Variants in GALNT18 observed in about 807,000 individuals in gnomAD.
GALNT18 encodes the protein GalNAc-transferase 18.
GALNT18 carries 44 observed loss-of-function variants against 69.5 expected under a neutral mutation model. That is an observed-to-expected ratio of 0.63 (90% CI 0.50 to 0.81). The LOEUF (loss-of-function observed/expected upper bound fraction) is 0.81. Among genes scored for constraint, GALNT18 ranks in the 40% least tolerant of loss-of-function variants. GALNT18 has a pLI of 0.00. For synonymous variants in GALNT18, 364 were observed against 318.2 expected (o/e 1.14, Z -1.53); for missense variants, 715 against 810.0 (o/e 0.88, Z 1.42).
At chr11:11,512,270 T>C (rs1857180608) in intron 1 of GALNT18, among the ~76,000 whole-genome samples, 1 of 152,164 alleles carries the variant, frequency 6.6e-6, no homozygotes, top group Admixed American at 6.5e-5. Context: ...ACACACAGTG[T>C]GGAGAGCAGT....
In GALNT18 at chr11:11,413,376, ACT is replaced by A. The variant is rs370115553; in HGVS notation, c.595+19243_595+19244del. 1.2e-3 allele frequency among the ~76,000 whole-genome samples: 176 copies of A among 151,990 alleles called. No homozygotes were observed. The highest frequency in any genetic ancestry group is 4.0e-3 in the African/African-American group (166 of 41,432). ...AGATGCCCCATTAGGACTCAGAGGC[ACT>A]CTCTACTTTCTCTGGAGGCCATTTG... On this transcript the variant is annotated intron_variant, in intron 3 of 10. Coordinates refer to ENST00000227756, the MANE Select transcript of GALNT18 (RefSeq NM_198516.3). The surrounding 1 kb of genome is among the most constrained non-coding windows in gnomAD (Gnocchi z 4.7).
rs1039119399 is a variant in GALNT18, at chr11:11,562,262, G to C, written c.235+59097C>G. 3.3e-5 allele frequency among the ~76,000 whole-genome samples: 5 copies of C among 152,136 alleles called. No homozygotes were observed. The highest frequency in any genetic ancestry group is 7.3e-5 in the Non-Finnish European group (5 of 68,028). ...TTCCAGGCTCTCTCTTTGGCTTCTG[G>C]CTGGCTGTCTTCTTGTGTCTCTTCA... is the stretch of plus-strand genomic sequence containing the variant. On this transcript the variant is annotated intron_variant, in intron 1 of 10. Transcript: ENST00000227756. The surrounding 1 kb of genome is among the most constrained non-coding windows in gnomAD (Gnocchi z 4.1).
At chr11:11,308,954 C>G (rs1849625683) in intron 9 of GALNT18, among the ~76,000 whole-genome samples, 1 of 152,114 alleles carries the variant, frequency 6.6e-6, no homozygotes, top group Non-Finnish European at 1.5e-5. Flanking sequence ...AAGTCTAATA[C>G]TCCATTGCCC....
chr11:11,288,523 C>CCATGAGCTCCTTGAGGG (rs1325960809), intron 10 of GALNT18, among the ~76,000 whole-genome samples: 2 of 152,138 alleles, frequency 1.3e-5, no homozygotes, highest in Non-Finnish European at 2.9e-5. Context: ...GTTTACATGC[C>CCATGAGCTCCTTGAGGG]CATGAGCTCC....
intron 1 of GALNT18, among the ~76,000 whole-genome samples, chr11:11,529,634 T>TAC (rs1857595940): frequency 3.1e-5 from 3 of 95,852 alleles, no homozygotes; most frequent in African/African-American, 1.0e-4. Context: ...CTTATATATA[T>TAC]ATATACACAC....
intron 2 of GALNT18, among the ~76,000 whole-genome samples, chr11:11,448,542 C>T (rs1363698445): frequency 6.6e-6 from 1 of 152,214 alleles, no homozygotes; most frequent in Non-Finnish European, 1.5e-5. Flanking sequence ...GAAAGCTTTG[C>T]CCCTACTCAG....
intron 1 of GALNT18, among the ~76,000 whole-genome samples, chr11:11,452,324 T>C (rs1303567866): frequency 1.3e-5 from 2 of 152,158 alleles, no homozygotes; most frequent in African/African-American, 2.4e-5. Context: ...GAAAATGGGG[T>C]TGATAACAAT....
At chr11:11,350,503 A>C (rs1850380961) in intron 6 of GALNT18, among the ~76,000 whole-genome samples, 1 of 152,216 alleles carries the variant, frequency 6.6e-6, no homozygotes, top group Admixed American at 6.5e-5. Flanking sequence ...AGTTGGAAAA[A>C]GGAAGACGTC....
At chr11:11,544,825 G>A (rs1858010339) in intron 1 of GALNT18, among the ~76,000 whole-genome samples, 1 of 152,186 alleles carries the variant, frequency 6.6e-6, no homozygotes, top group South Asian at 2.1e-4. Flanking sequence ...CTGGTCTGGT[G>A]CTATGGAAGA....
intron 1 of GALNT18, among the ~76,000 whole-genome samples, chr11:11,593,071 G>T (rs4526767): frequency 2.0e-5 from 3 of 151,892 alleles, no homozygotes; most frequent in Middle Eastern, 3.4e-3. Flanking sequence ...ACCCCCCAAC[G>T]CTCGGCTAAT....
intron 10 of GALNT18, among the ~76,000 whole-genome samples, chr11:11,290,295 T>A (rs1849274068): frequency 6.6e-6 from 1 of 152,324 alleles, no homozygotes; most frequent in South Asian, 2.1e-4. Context: ...TCAAACTGCA[T>A]CTCAATCTCC....
At chr11:11,409,932 C>G (rs1854689156) in intron 3 of GALNT18, among the ~76,000 whole-genome samples, 1 of 152,198 alleles carries the variant, frequency 6.6e-6, no homozygotes, top group Non-Finnish European at 1.5e-5. Context: ...AAACCTTAAA[C>G]TCCATTGGAG....
intron 5 of GALNT18, among the ~76,000 whole-genome samples, chr11:11,374,442 C>T (rs1478494390): frequency 2.0e-5 from 3 of 152,328 alleles, no homozygotes; most frequent in Admixed American, 6.5e-5. Flanking sequence ...TCTTTAAATA[C>T]GTGATGATTC....
At chr11:11,307,977 C>G (rs7952416) in intron 9 of GALNT18, among the ~76,000 whole-genome samples, 7,219 of 152,214 alleles carry the variant, frequency 0.047, 581 homozygotes, top group African/African-American at 0.16. Flanking sequence ...CAGGGGTGAC[C>G]GCAGTGGCTG....
chr11:11,295,693 T>A (rs10831576), intron 9 of GALNT18, among the ~76,000 whole-genome samples: 1 of 151,894 alleles, frequency 6.6e-6, no homozygotes, highest in Non-Finnish European at 1.5e-5. Flanking sequence ...TCATTACAGC[T>A]AAGATCTGCT....
At chr11:11,328,111 G>A (rs1849956753) in intron 8 of GALNT18, among the ~76,000 whole-genome samples, 1 of 152,168 alleles carries the variant, frequency 6.6e-6, no homozygotes, top group Non-Finnish European at 1.5e-5. Context: ...TGTGCAAGCA[G>A]AGAAAGTCAG....
chr11:11,529,915 G>A (rs1346258476), intron 1 of GALNT18, among the ~76,000 whole-genome samples: 5 of 152,142 alleles, frequency 3.3e-5, no homozygotes, highest in Non-Finnish European at 5.9e-5. Flanking sequence ...TTATTCTACA[G>A]AAACATTCCT....
intron 8 of GALNT18, 94 bp from the exon 9 acceptor site, chr11:11,327,275 G>T: frequency 2.1e-6 from 2 of 948,722 alleles, no homozygotes; most frequent in Non-Finnish European, 3.3e-6. Context: ...TGCTGAGACA[G>T]ATTTCATGTC....
At position 11,604,547 on chromosome 11, in the gene GALNT18, C is replaced by T. The variant is rs544264413; in HGVS notation, c.235+16812G>A. Among the ~76,000 whole-genome samples, 5 of 152,200 alleles carry T rather than the reference C, an allele frequency of 3.3e-5. No homozygotes were observed. The highest frequency in any genetic ancestry group is 5.9e-5 in the Non-Finnish European group (4 of 68,046). On this transcript the variant is annotated intron_variant, in intron 1 of 10. Transcript: ENST00000227756. This position sits in a 1 kb window ranked among gnomAD's most constrained non-coding sequence, Gnocchi z 5.6. ...TGAGGCAAGTCCAAGTGACTCCAGACCCCGCCTGGCACCAAGTCTGCATGG... is the reference window on the plus strand; with the variant it reads ...TGAGGCAAGTCCAAGTGACTCCAGATCCCGCCTGGCACCAAGTCTGCATGG...
Sources: allele counts gnomAD v4.1 joint callset (sites outside exome capture counted in the v4.1 genomes callset), GRCh38; gene constraint gnomAD v4.1.1; non-coding constraint Gnocchi (gnomAD v3.1); transcripts MANE v1.5; gene names NCBI Gene and HGNC (gene_info 2026-07-23, HGNC 2026-07-21).